Variants in C19orf25 observed in about 807,000 individuals in gnomAD.
C19orf25 encodes chromosome 19 open reading frame 25.
A neutral mutation model predicts 3.1 loss-of-function variants in C19orf25; 1 was observed. The observed-to-expected ratio is 0.32, with a 90% CI of 0.12 to 1.54. The LOEUF is 1.54. Ranked by LOEUF, C19orf25 falls within the 40% of genes most tolerant of loss-of-function variation. The probability of loss-of-function intolerance (pLI) is 0.38; values close to 1 mark genes in which losing one functional copy is unlikely to be tolerated. For missense variants in C19orf25, 196 were observed against 160.4 expected, an observed-to-expected ratio of 1.22 and a Z score of -1.20; for synonymous variants, 91 against 74.3, an observed-to-expected ratio of 1.23 and a Z score of -1.16.
chr19:1,478,652 AC>A (rs1185356609), intron 2 of C19orf25, 121 bp downstream of exon 2: 1 of 1,501,128 alleles, frequency 6.7e-7, no homozygotes, highest in Admixed American at 2.2e-5. Context: ...GAGGATACGG[AC>A]CGTGCCCATG....
At position 1,479,190 on chromosome 19, in the gene C19orf25, T is replaced by A. The variant is rs1481260812; in HGVS notation, c.-30A>T. ...GGGCGCGGGACCCGAAAGCCCAGCG[T>A]CGACGACGCAGCCACTTCCGATTCC... On this transcript the variant is annotated 5_prime_UTR_variant, in exon 1 of 3. Transcript: ENST00000585675. The A allele has an allele frequency of 5.5e-6, 7 of 1,269,262 alleles. No individual in the cohort carries two copies. The highest frequency in any genetic ancestry group is 3.5e-5 in the East Asian group (1 of 28,936). 78.6% of individuals were successfully genotyped at this position (1,269,262 alleles called of 1,614,324 possible). A position where few individuals can be genotyped will look rare whatever the true frequency, so the allele number is the denominator to read the frequency against.
At position 1,474,656 on chromosome 19, in the gene C19orf25, G is replaced by C. The variant is rs1257845194; in HGVS notation, c.*376C>G. 1.5e-6 allele frequency: 1 copy of C among 648,286 alleles called. No homozygotes were observed. The allele number at this position is 648,286 out of a possible 1,614,324, so 40.2% of individuals were successfully genotyped here. On this transcript the variant is annotated 3_prime_UTR_variant, in exon 3 of 3. Coordinates refer to ENST00000585675, the MANE Select transcript of C19orf25 (RefSeq NM_152482.3). ...AGTTAACACCTCGATCCCAACACCT[G>C]GACTCAGAAGTGGACAGGCGAGTGC...
Position 1,474,910 on chromosome 19 carries a change from C to T in C19orf25, c.*122G>A. The T allele has an allele frequency of 6.6e-7, 1 of 1,522,660 alleles. No homozygotes were observed. Among genetic ancestry groups the T allele is most frequent in the Non-Finnish European group, 8.8e-7 (1 of 1,136,838 alleles). 94.3% of individuals were successfully genotyped at this position (1,522,660 alleles called of 1,614,324 possible). ...CGCAGCCCCAGCATCAGGAGGGGCG[C>T]CTGTGTCAACACCCACGTGGGCTGG... On this transcript the variant is annotated 3_prime_UTR_variant, in exon 3 of 3. Coordinates refer to ENST00000585675, the MANE Select transcript of C19orf25 (RefSeq NM_152482.3).
intron 2 of C19orf25, among the ~76,000 whole-genome samples, chr19:1,477,835 TTTATTAA>T (rs2084221252): frequency 6.6e-6 from 1 of 152,332 alleles, no homozygotes; most frequent in East Asian, 1.9e-4. Context: ...TTTATTTCTA[TTTATTAA>T]TTATTATTAT....
intron 2 of C19orf25, chr19:1,475,511 A>C: frequency 2.1e-6 from 1 of 466,998 alleles, no homozygotes; most frequent in Non-Finnish European, 3.9e-6. Context: ...TGACACCCCC[A>C]TCTCTACCAA....
chr19:1,478,414 T>G, intron 2 of C19orf25: 6 of 233,934 alleles, frequency 2.6e-5, no homozygotes, highest in Non-Finnish European at 3.0e-5. Flanking sequence ...CTAACTCTGT[T>G]TTGTTTTTGT....
Position 1,473,234 on chromosome 19 carries a change from C to G in C19orf25, c.*1798G>C, listed in dbSNP as rs1353024019. The G allele has an allele frequency of 1.3e-5, 2 of 152,290 alleles. No homozygotes were observed. Among genetic ancestry groups the G allele is most frequent in the Non-Finnish European group, 1.5e-5 (1 of 68,066 alleles). The allele number at this position is 152,290 out of a possible 1,614,324, so 9.4% of individuals were successfully genotyped here. On this transcript the variant is annotated 3_prime_UTR_variant, in exon 3 of 3. Coordinates refer to ENST00000585675, the MANE Select transcript of C19orf25 (RefSeq NM_152482.3). The stretch of plus-strand genomic sequence containing the variant: ...TCGCACACATTTAATAAACTGAGCT[C>G]TTGCATTGCCTGCCGCCATCACCTC...
At chr19:1,477,523 C>T (rs1368403553) in intron 2 of C19orf25, among the ~76,000 whole-genome samples, 1 of 152,354 alleles carries the variant, frequency 6.6e-6, no homozygotes, top group Non-Finnish European at 1.5e-5. Flanking sequence ...GCTTCCACCT[C>T]GTAAATCAGG....
intron 2 of C19orf25, chr19:1,478,388 C>T: frequency 2.6e-6 from 1 of 390,940 alleles, no homozygotes; most frequent in Non-Finnish European, 4.5e-6. Context: ...TTACAGGCGC[C>T]TGCCACTATG....
intron 2 of C19orf25, chr19:1,475,799 T>C (rs1267976704): frequency 1.5e-5 from 3 of 195,116 alleles, no homozygotes; most frequent in African/African-American, 7.0e-5. Context: ...CTACCCGCCT[T>C]AGCAAAGCGT....
In C19orf25 at chr19:1,475,266, A is replaced by G. The variant is rs1293571745; in HGVS notation, c.131-8T>C. 1 of 1,537,058 alleles carries G rather than the reference A, an allele frequency of 6.5e-7. No individual in the cohort carries two copies. On this transcript the variant is annotated splice_polypyrimidine_tract_variant and splice_region_variant and intron_variant, in intron 2 of 2. Coordinates refer to ENST00000585675, the MANE Select transcript of C19orf25 (RefSeq NM_152482.3). ...TGAAGGGAACTGGGGGGTCTGAGACAGGACACAGCAGCATCACTGCCTGCT... is the reference window on the plus strand; with the variant it reads ...TGAAGGGAACTGGGGGGTCTGAGACGGGACACAGCAGCATCACTGCCTGCT...
intron 2 of C19orf25, among the ~76,000 whole-genome samples, chr19:1,477,090 C>A (rs2084212988): frequency 2.6e-5 from 4 of 152,054 alleles, no homozygotes; most frequent in African/African-American, 9.7e-5. Context: ...ACCTCCGCCT[C>A]CTGGGTTCAA....
intron 2 of C19orf25, chr19:1,476,488 G>A (rs2084206901): frequency 2.6e-6 from 1 of 391,994 alleles, no homozygotes; most frequent in Non-Finnish European, 4.5e-6. Flanking sequence ...TGCATGCTGG[G>A]AATAAAACCA....
At chr19:1,476,210 CT>C (rs1305991574) in intron 2 of C19orf25, 2 of 398,758 alleles carry the variant, frequency 5.0e-6, no homozygotes, top group Non-Finnish European at 4.4e-6. Context: ...CGGCTCTGGC[CT>C]GCCCCTCGGC....
chr19:1,477,440 A>G (rs1953061750), intron 2 of C19orf25, among the ~76,000 whole-genome samples: 1 of 152,252 alleles, frequency 6.6e-6, no homozygotes, highest in Admixed American at 6.5e-5. Context: ...AGGATTGTTG[A>G]ATGAATGAAT....
At chr19:1,478,245 ATTT>A (rs543535192) in intron 2 of C19orf25, among the ~76,000 whole-genome samples, 1 of 140,400 alleles carries the variant, frequency 7.1e-6, no homozygotes, top group Non-Finnish European at 1.6e-5. Context: ...ACACCCAGTA[ATTT>A]TTTTTTTTTT....
chr19:1,479,061 A>C, intron 1 of C19orf25, 102 bp downstream of exon 1: 1 of 1,139,246 alleles, frequency 8.8e-7, no homozygotes, highest in Non-Finnish European at 1.2e-6. Context: ...CCAGGCCCTG[A>C]CCCTCCCTCC....
rs573878652 is a variant in C19orf25 at position 1,478,924 on chromosome 19, G to A, written c.-2-19C>T. 5.1e-6 allele frequency: 8 copies of A among 1,576,128 alleles called. No homozygotes were observed. In the East Asian group the frequency reaches 1.9e-4, roughly 37 times the overall value. On this transcript the variant is annotated intron_variant, in intron 1 of 2. Coordinates refer to ENST00000585675, the MANE Select transcript of C19orf25 (RefSeq NM_152482.3). ...CCCATCTCTGAAGGCGGGGAAGGGG[G>A]CGCTGACCGGGGCGTCCACCTCTCC...
chr19:1,478,730 C>T, intron 2 of C19orf25, 44 bp downstream of exon 2: 1 of 1,538,138 alleles, frequency 6.5e-7, no homozygotes, highest in South Asian at 1.2e-5. Context: ...CCCTTGCTGC[C>T]GGGGTCTCAG....
Sources: allele counts gnomAD v4.1 joint callset (sites outside exome capture counted in the v4.1 genomes callset), GRCh38; gene constraint gnomAD v4.1.1; transcripts MANE v1.5; gene names NCBI Gene and HGNC (gene_info 2026-07-23, HGNC 2026-07-21).